The following NAALADL2 variants were observed in gnomAD, a reference collection of about 807,000 sequenced individuals.
The protein encoded by NAALADL2 is N-acetylated alpha-linked acidic dipeptidase like 2, also known as inactive N-acetylated-alpha-linked acidic dipeptidase-like protein 2.
A neutral mutation model predicts 87.2 loss-of-function variants in NAALADL2; 76 were observed. The ratio of observed to expected loss-of-function variants is 0.87; its 90% confidence interval spans 0.72 to 1.05. The LOEUF (loss-of-function observed/expected upper bound fraction) is 1.05. NAALADL2 is among the 50% of genes least tolerant of loss of function. The probability of loss-of-function intolerance (pLI) is 0.00; values close to 1 mark genes in which losing one functional copy is unlikely to be tolerated. For synonymous variants in NAALADL2, 354 were observed against 331.0 expected, an observed-to-expected ratio of 1.07 and a Z score of -0.75; for missense variants, 1,089 against 945.8, an observed-to-expected ratio of 1.15 and a Z score of -1.99.
At chr3:175,647,697 G>T (rs1730203612) in intron 11 of NAALADL2, among the ~76,000 whole-genome samples, 1 of 152,150 alleles carries the variant, frequency 6.6e-6, no homozygotes, top group East Asian at 1.9e-4. Context: ...AATGATTTCA[G>T]GTAATGTTTG....
Position 174,842,781 on chromosome 3 carries a change from T to TTG in NAALADL2, c.-9+105049_-9+105050dup, listed in dbSNP as rs369170719. On this transcript the variant is annotated intron_variant, in intron 3 of 3. Transcript: ENST00000434257. ...TGAAAACTTACCTACACACCTGTTT[T>TTG]TGTGTGTGTGTGTGTATGTGTGTGC... Among the ~76,000 whole-genome samples, 890 of 151,478 alleles carry TTG rather than the reference T, an allele frequency of 5.9e-3. 9 individuals carry two copies. The highest frequency in any genetic ancestry group is 0.02 in the African/African-American group (815 of 41,378).
At chr3:174,484,061 GATTGTCA>G (rs1474374588) in intron 1 of NAALADL2, among the ~76,000 whole-genome samples, 1 of 152,058 alleles carries the variant, frequency 6.6e-6, no homozygotes, top group East Asian at 1.9e-4. Flanking sequence ...AGAGAGTAAC[GATTGTCA>G]CAGACTGCAA....
intron 1 of NAALADL2, among the ~76,000 whole-genome samples, chr3:175,050,560 A>G (rs1002965375): frequency 1.3e-5 from 2 of 152,194 alleles, no homozygotes; most frequent in Non-Finnish European, 2.9e-5. Context: ...CTGACCAGAA[A>G]TATACTGTGG....
At chr3:174,496,652 G>C (rs947926342) in intron 1 of NAALADL2, among the ~76,000 whole-genome samples, 1 of 151,704 alleles carries the variant, frequency 6.6e-6, no homozygotes, top group Non-Finnish European at 1.5e-5. Flanking sequence ...AAAATCTAAA[G>C]TTTCCATCTT....
chr3:175,685,341 C>T (rs759634133), intron 11 of NAALADL2, among the ~76,000 whole-genome samples: 3 of 152,028 alleles, frequency 2.0e-5, no homozygotes, highest in African/African-American at 2.4e-5. Flanking sequence ...ATTTTAGACA[C>T]ATAAATAGTA....
At chr3:175,498,882 A>C (rs1560656354) in intron 9 of NAALADL2, among the ~76,000 whole-genome samples, 1 of 152,126 alleles carries the variant, frequency 6.6e-6, no homozygotes, top group Non-Finnish European at 1.5e-5. Flanking sequence ...CAGCCCTAGC[A>C]AAGTAATGCA....
At chr3:174,510,978 G>T (rs148718694) in intron 1 of NAALADL2, among the ~76,000 whole-genome samples, 51 of 151,816 alleles carry the variant, frequency 3.4e-4, no homozygotes, top group African/African-American at 1.1e-3. Flanking sequence ...AGAATTTTGG[G>T]ATTCTAATAT....
At chr3:175,244,389 A>G (rs1339457673) in intron 3 of NAALADL2, among the ~76,000 whole-genome samples, 1 of 151,220 alleles carries the variant, frequency 6.6e-6, no homozygotes, top group East Asian at 1.9e-4. Flanking sequence ...CTCTTTTTTC[A>G]TTTCTAGGAT....
At chr3:174,477,959 A>G (rs12494702) in intron 1 of NAALADL2, among the ~76,000 whole-genome samples, 11,245 of 152,234 alleles carry the variant, frequency 0.074, 1,188 homozygotes, top group East Asian at 0.43. Context: ...GAGAAAAGTC[A>G]TTGGTTGTAT....
chr3:175,734,174 T>G (rs1744186596), intron 11 of NAALADL2, among the ~76,000 whole-genome samples: 1 of 152,172 alleles, frequency 6.6e-6, no homozygotes, highest in Non-Finnish European at 1.5e-5. Context: ...CCACATTTCT[T>G]TTTTGCAGAG....
At chr3:175,711,519 A>G (rs528787026) in intron 11 of NAALADL2, among the ~76,000 whole-genome samples, 77 of 151,876 alleles carry the variant, frequency 5.1e-4, no homozygotes, top group Admixed American at 1.4e-3. Context: ...ATTTTCATTT[A>G]TTCACAAAAG....
At chr3:175,160,408 G>C (rs1166928636) in intron 2 of NAALADL2, among the ~76,000 whole-genome samples, 2 of 44,008 alleles carry the variant, frequency 4.5e-5, no homozygotes, top group Non-Finnish European at 4.3e-5. Context: ...GTTTGCTCTT[G>C]TTGCCCAGGC....
intron 2 of NAALADL2, among the ~76,000 whole-genome samples, chr3:174,701,823 A>AT (rs1384516626): frequency 2.0e-5 from 3 of 152,084 alleles, no homozygotes; most frequent in Non-Finnish European, 4.4e-5. Context: ...GTATATCACC[A>AT]TTTGTTTATT....
intron 2 of NAALADL2, among the ~76,000 whole-genome samples, chr3:174,605,321 C>G (rs1254441414): frequency 3.3e-5 from 5 of 152,222 alleles, no homozygotes; most frequent in Middle Eastern, 3.4e-3. Flanking sequence ...GCGCGCAGGA[C>G]AGTGGGTGCA....
intron 2 of NAALADL2, among the ~76,000 whole-genome samples, chr3:174,680,988 C>G (rs1000303047): frequency 2.0e-5 from 3 of 152,074 alleles, no homozygotes; most frequent in African/African-American, 7.2e-5. Flanking sequence ...CCAGCCTCAA[C>G]AGTAGCTGTG....
intron 10 of NAALADL2, among the ~76,000 whole-genome samples, chr3:175,586,226 T>G (rs1476154967): frequency 6.7e-6 from 1 of 148,516 alleles, no homozygotes; most frequent in Non-Finnish European, 1.5e-5. Flanking sequence ...ACTTATCTTG[T>G]TTTTATTTTT....
In NAALADL2 at chr3:175,802,991, G is replaced by C. The variant is rs762281606; in HGVS notation, c.2190-14G>C. On this transcript the variant is annotated splice_polypyrimidine_tract_variant and intron_variant, in intron 13 of 13. Transcript: ENST00000454872. ...TGTGCATGAAACATTTATACATTTT[G>C]TATTTCTTTTCAGAAACATCCTCTA... 1.9e-6 allele frequency: 3 copies of C among 1,573,996 alleles called. No homozygotes were observed. The South Asian group carries it at 3.3e-5, about 18-fold the overall frequency.
At chr3:174,979,506 C>T (rs904103944) in intron 1 of NAALADL2, among the ~76,000 whole-genome samples, 48 of 151,690 alleles carry the variant, frequency 3.2e-4, no homozygotes, top group Admixed American at 3.0e-3. Flanking sequence ...GGGGTTTCAC[C>T]GTGTTAGCCA....
At chr3:174,935,193 G>C (rs939371129) in intron 1 of NAALADL2, among the ~76,000 whole-genome samples, 1 of 152,038 alleles carries the variant, frequency 6.6e-6, no homozygotes, top group South Asian at 2.1e-4. Flanking sequence ...ACTTTCATGT[G>C]TAATGTTCTG....
Sources: gnomAD v4.1 joint callset for allele counts (sites outside exome capture counted in the v4.1 genomes callset) on GRCh38, gnomAD v4.1.1 for gene constraint, MANE v1.5 for transcripts, NCBI Gene and HGNC (gene_info 2026-07-23, HGNC 2026-07-21) for gene names.